PUM1: variants seen among roughly 807,000 people sequenced by gnomAD.
PUM1 encodes pumilio RNA binding family member 1.
A neutral mutation model predicts 131.8 loss-of-function variants in PUM1; 13 were observed. The ratio of observed to expected loss-of-function variants is 0.10; its 90% CI spans 0.06 to 0.16. PUM1 has a LOEUF of 0.16. Ranked by LOEUF, PUM1 falls within the 10% of genes least tolerant of loss-of-function variation. The probability of loss-of-function intolerance (pLI) is 1.00; values close to 1 mark genes in which losing one functional copy is unlikely to be tolerated. For synonymous variants in PUM1, 509 were observed against 556.5 expected (o/e 0.91, Z 1.20); for missense variants, 961 against 1,512.4 (o/e 0.64, Z 6.05).
chr1:31,060,840 C>G (rs937902542), intron 1 of PUM1, among the ~76,000 whole-genome samples: 1 of 150,914 alleles, frequency 6.6e-6, no homozygotes, highest in African/African-American at 2.4e-5. Context: ...GAGCCAAGAT[C>G]GCACCACTGC....
intron 5 of PUM1, among the ~76,000 whole-genome samples, chr1:31,001,905 A>G (rs1427065533): frequency 2.0e-5 from 3 of 152,180 alleles, no homozygotes; most frequent in Non-Finnish European, 4.4e-5. Flanking sequence ...CATACAAATC[A>G]TCTGGGTAGT....
intron 4 of PUM1, among the ~76,000 whole-genome samples, 200 bp downstream of exon 4, chr1:31,006,794 A>T (rs976574073): frequency 6.6e-6 from 1 of 152,226 alleles, no homozygotes; most frequent in African/African-American, 2.4e-5. Flanking sequence ...CACTTCAAAA[A>T]ATATTGAAGA....
rs1642689003 is a variant in PUM1, at chr1:31,013,283, T to C, written c.433-6181A>G. ...ACTTGTTTGACCATACCGCCACTAA[T>C]ATTTGAATAGGGATTTATCAATGAG... On this transcript the variant is annotated intron_variant, in intron 3 of 21. Transcript: ENST00000426105. Among the ~76,000 whole-genome samples, 3 of 152,160 alleles carry C rather than the reference T, an allele frequency of 2.0e-5. No individual in the cohort carries two copies. The South Asian group carries it at 6.2e-4, about 32-fold the overall frequency.
At chr1:31,000,578 A>G (rs775270556) in intron 5 of PUM1, among the ~76,000 whole-genome samples, 11 of 152,200 alleles carry the variant, frequency 7.2e-5, no homozygotes, top group Non-Finnish European at 1.6e-4. Flanking sequence ...TTCCTAATAT[A>G]CCTATTAATT....
At chr1:30,981,991 A>G (rs1641375506) in intron 7 of PUM1, 1 of 152,232 alleles carries the variant, frequency 6.6e-6, no homozygotes, top group African/African-American at 2.4e-5. Context: ...GGAAAATGGT[A>G]TTGAATAACT....
At chr1:30,996,673 T>C (rs1641990226) in intron 5 of PUM1, among the ~76,000 whole-genome samples, 1 of 152,230 alleles carries the variant, frequency 6.6e-6, no homozygotes, top group South Asian at 2.1e-4. Context: ...CCCTTCAGAA[T>C]AGAATCTTTA....
chr1:30,986,445 T>G (rs1288775844), intron 7 of PUM1, among the ~76,000 whole-genome samples: 1 of 152,160 alleles, frequency 6.6e-6, no homozygotes, highest in Non-Finnish European at 1.5e-5. Context: ...TTGAAGCTTC[T>G]AGATAAAAGC....
chr1:30,933,703 G>C (rs547018612), intron 21 of PUM1, among the ~76,000 whole-genome samples: 1 of 152,296 alleles, frequency 6.6e-6, no homozygotes, highest in South Asian at 2.1e-4. Context: ...GCTGCACAGT[G>C]CTTCCCTGCA....
intron 18 of PUM1, 80 bp from the exon 19 acceptor site, chr1:30,942,203 A>G (rs1484536406): frequency 2.0e-5 from 1 of 48,784 alleles, no homozygotes; most frequent in Non-Finnish European, 5.3e-5. Flanking sequence ...ATATATATAT[A>G]TATATATATA....
intron 2 of PUM1, among the ~76,000 whole-genome samples, chr1:31,045,049 C>T (rs1643919343): frequency 1.3e-5 from 2 of 152,188 alleles, no homozygotes; most frequent in South Asian, 2.1e-4. Flanking sequence ...CCACCCGCCT[C>T]GGCCTCCCAA....
intron 10 of PUM1, among the ~76,000 whole-genome samples, chr1:30,970,634 A>G (rs1242245786): frequency 6.6e-6 from 1 of 152,222 alleles, no homozygotes; most frequent in African/African-American, 2.4e-5. Context: ...CCAAATACTT[A>G]GAATTTACAT....
At chr1:30,964,629 A>C in intron 14 of PUM1, 45 bp downstream of exon 14, 1 of 1,504,596 alleles carries the variant, frequency 6.6e-7, no homozygotes, top group Non-Finnish European at 9.2e-7. Context: ...ATCGGTGGCA[A>C]GAGAGTTCTA....
intron 2 of PUM1, among the ~76,000 whole-genome samples, chr1:31,038,984 A>ATATATATATATATATATATTTTTT: frequency 2.0e-5 from 1 of 49,418 alleles, no homozygotes; most frequent in African/African-American, 2.1e-4. Context: ...ATATATATAT[A>ATATATATATATATATATATTTTTT]TTTTTTTTTT....
At chr1:31,054,529 GGCCACT>G (rs1305357717) in intron 2 of PUM1, among the ~76,000 whole-genome samples, 2 of 126,480 alleles carry the variant, frequency 1.6e-5, no homozygotes, top group Non-Finnish European at 3.1e-5. Context: ...TATGCCAAAG[GGCCACT>G]AAAAAAAAAA....
At chr1:31,053,402 C>T (rs1422890555) in intron 2 of PUM1, among the ~76,000 whole-genome samples, 3 of 150,932 alleles carry the variant, frequency 2.0e-5, no homozygotes, top group African/African-American at 7.3e-5. Flanking sequence ...CCGAAGACCT[C>T]AGTTTGGCCC....
At chr1:31,038,958 T>TATATATATATA (rs1553152630) in intron 2 of PUM1, among the ~76,000 whole-genome samples, 544 of 43,742 alleles carry the variant, frequency 0.012, 62 homozygotes, top group Non-Finnish European at 0.015. Flanking sequence ...TTTTAAAATT[T>TATATATATATA]TATATATATA....
rs201757910 is a variant in PUM1, at chr1:30,954,027, T to C, written c.2324-46A>G. On this transcript the variant is annotated intron_variant, in intron 14 of 21. Coordinates refer to ENST00000426105, the MANE Select transcript of PUM1 (RefSeq NM_001020658.2). Reference sequence around the variant, plus strand: ...TAACTTAAGACCACTCTTCAGCAACTTCATTCAAGAGAGAAAAAAGCATTC... The same window carrying C: ...TAACTTAAGACCACTCTTCAGCAACCTCATTCAAGAGAGAAAAAAGCATTC... 8.7e-4 allele frequency: 1,368 copies of C among 1,574,884 alleles called. 1 individual carries two copies. The highest frequency in any genetic ancestry group is 1.1e-3 in the Admixed American group (58 of 54,822).
chr1:31,030,058 A>G (rs956293237), intron 2 of PUM1, among the ~76,000 whole-genome samples: 2 of 151,684 alleles, frequency 1.3e-5, no homozygotes, highest in African/African-American at 4.8e-5. Context: ...ATCTACTAAA[A>G]ATACAAAAAT....
intron 7 of PUM1, among the ~76,000 whole-genome samples, chr1:30,987,359 G>A (rs910632319): frequency 1.3e-5 from 2 of 152,032 alleles, no homozygotes; most frequent in Non-Finnish European, 2.9e-5. Flanking sequence ...ACCACGCCCG[G>A]CTAATTTTTG....
Sources: gnomAD v4.1 joint callset for allele counts (sites outside exome capture counted in the v4.1 genomes callset) on GRCh38, gnomAD v4.1.1 for gene constraint, MANE v1.5 for transcripts, NCBI Gene and HGNC (gene_info 2026-07-23, HGNC 2026-07-21) for gene names.